Variants in TECRL observed in about 807,000 individuals in gnomAD.
TECRL encodes trans-2,3-enoyl-CoA reductase like, also known as trans-2,3-enoyl-CoA reductase-like.
In TECRL, 63 loss-of-function variants were observed where a neutral mutation model predicts 52.8. The observed-to-expected ratio is 1.19, with a 90% CI of 0.97 to 1.47. The LOEUF (loss-of-function observed/expected upper bound fraction) is 1.47, where lower values mean the gene tolerates loss of function less well. Among genes scored for constraint, TECRL ranks in the 40% most tolerant of loss-of-function variants. The probability of loss-of-function intolerance (pLI) is 0.00; values close to 1 mark genes in which losing one functional copy is unlikely to be tolerated. For synonymous variants in TECRL, 164 were observed against 141.9 expected (o/e 1.16, Z -1.10); for missense variants, 482 against 429.6 (o/e 1.12, Z -1.08).
chr4:64,287,259 T>G (rs995146283), intron 9 of TECRL, among the ~76,000 whole-genome samples: 1 of 152,164 alleles, frequency 6.6e-6, no homozygotes, highest in Non-Finnish European at 1.5e-5. Context: ...TGAGTACTCA[T>G]CACAATATTA....
At position 64,285,232 on chromosome 4, in the gene TECRL, T is replaced by C. The variant is rs2109934058; in HGVS notation, c.833-3673A>G. Among the ~76,000 whole-genome samples, 2 of 152,204 alleles carry C rather than the reference T, an allele frequency of 1.3e-5. 1 individual carries two copies. Among genetic ancestry groups the C allele is most frequent in the South Asian group, 4.1e-4 (2 of 4,828 alleles). ...TTTTTCTTCCCCAGGTAGACTCATA[T>C]CCAACTTATCTGTCTCCAGTCATTC... On this transcript the variant is annotated intron_variant, in intron 9 of 11. Coordinates refer to ENST00000381210, the MANE Select transcript of TECRL (RefSeq NM_001010874.5).
At chr4:64,403,194 T>C (rs1406554146) in intron 1 of TECRL, among the ~76,000 whole-genome samples, 2 of 151,994 alleles carry the variant, frequency 1.3e-5, no homozygotes, top group African/African-American at 2.4e-5. Context: ...ACTCATTACA[T>C]TGTTCTTTAC....
chr4:64,378,095 T>C (rs1400674446), intron 1 of TECRL, among the ~76,000 whole-genome samples: 1 of 151,970 alleles, frequency 6.6e-6, no homozygotes, highest in Non-Finnish European at 1.5e-5. Context: ...AATAATTAGA[T>C]ATAGTGGTGT....
rs573398792 is a variant in TECRL at position 64,343,635 on chromosome 4, TA to T, written c.287-15080del. ...TTAAAACATTCTTTCCAGGCAAATT[TA>T]ATGCTTTAACAAAAATCAATTCTGG... On this transcript the variant is annotated intron_variant, in intron 2 of 11. Coordinates refer to ENST00000381210, the MANE Select transcript of TECRL (RefSeq NM_001010874.5). 1.6e-3 allele frequency among the ~76,000 whole-genome samples: 243 copies of T among 152,144 alleles called. 1 individual carries two copies. Among genetic ancestry groups the T allele is most frequent in the Non-Finnish European group, 2.3e-3 (157 of 67,912 alleles).
chr4:64,323,013 C>T (rs553649424), intron 3 of TECRL, among the ~76,000 whole-genome samples: 39 of 152,058 alleles, frequency 2.6e-4, no homozygotes, highest in Non-Finnish European at 1.8e-4. Flanking sequence ...TACCATCTAC[C>T]CAAAATTTAG....
chr4:64,329,914 A>C (rs968022537), intron 2 of TECRL, among the ~76,000 whole-genome samples: 1 of 151,474 alleles, frequency 6.6e-6, no homozygotes, highest in African/African-American at 2.4e-5. Flanking sequence ...GATACATAAA[A>C]CTCTTATTCT....
intron 6 of TECRL, among the ~76,000 whole-genome samples, chr4:64,306,899 T>C (rs756067576): frequency 2.6e-5 from 4 of 152,182 alleles, no homozygotes; most frequent in Non-Finnish European, 5.9e-5. Flanking sequence ...TGAAAAGAAT[T>C]TGGACACAAA....
At chr4:64,404,354 C>A (rs1724570711) in intron 1 of TECRL, among the ~76,000 whole-genome samples, 1 of 151,880 alleles carries the variant, frequency 6.6e-6, no homozygotes, top group South Asian at 2.1e-4. Context: ...AGAGTTCTTG[C>A]ATGCTCTTCA....
intron 2 of TECRL, among the ~76,000 whole-genome samples, chr4:64,369,050 G>A (rs574669141): frequency 4.6e-5 from 7 of 152,196 alleles, no homozygotes; most frequent in Admixed American, 1.3e-4. Context: ...GAACTGCTTA[G>A]ACAAGTAGTC....
chr4:64,280,096 T>C lies in TECRL; in HGVS notation c.1068A>G (p.Ser356=). Residue 356 remains serine (S), a synonymous_variant, in exon 12 of 12, where the codon TCA becomes TCG. Transcript: ENST00000381210. ...TTTACAATATGAATGGAATCATTGC[T>C]GATTTTCTATGAATATATGAATTGA... ...RKFNSYIHRK[S]AMIPFIL The C allele has an allele frequency of 6.3e-6, 10 of 1,594,572 alleles. No homozygotes were observed. The highest frequency in any genetic ancestry group is 8.5e-6 in the Non-Finnish European group (10 of 1,173,146).
intron 8 of TECRL, among the ~76,000 whole-genome samples, chr4:64,295,534 A>G (rs1458438236): frequency 6.6e-6 from 1 of 151,510 alleles, no homozygotes; most frequent in East Asian, 1.9e-4. Flanking sequence ...AATATTGTAT[A>G]ACATAAAAAT....
rs974725975 is a variant in TECRL, at chr4:64,281,477, A to C, written c.915T>G (p.Tyr305Ter). The C allele has an allele frequency of 6.3e-7, 1 of 1,581,746 alleles. No homozygotes were observed. The highest frequency in any genetic ancestry group is 1.7e-5 in the Admixed American group (1 of 57,624). ...TTTACATACATAAATAACATACCTCATAGGTGTAGTTAGGACATGAAACCA... is the reference window on the plus strand; with the variant it reads ...TTTACATACATAAATAACATACCTCCTAGGTGTAGTTAGGACATGAAACCA... Reference protein sequence around the residue: ...FFLVSCPNYTYEIGSWISFTV... With the variant: ...FFLVSCPNYT Residue 305 changes from tyrosine to a stop codon, truncating the protein, a stop_gained, in exon 10 of 12, where the codon TAT (tyrosine) becomes TAG (stop). Transcript: ENST00000381210. LOFTEE classifies it high-confidence loss of function.
chr4:64,276,328 A>T (rs1008614357), downstream of TECRL: 4 of 151,976 alleles, frequency 2.6e-5, no homozygotes, highest in Non-Finnish European at 5.9e-5. Flanking sequence ...TCTTTTATTT[A>T]TAGGATGAGA....
At chr4:64,277,018 C>A, downstream of TECRL, 1 of 1,495,446 alleles carries the variant, frequency 6.7e-7, no homozygotes, top group South Asian at 1.3e-5. Flanking sequence ...ATTTGTCAGG[C>A]TTTTTCTTTT....
intron 1 of TECRL, among the ~76,000 whole-genome samples, chr4:64,379,247 T>TACAC (rs4034911): frequency 2.3e-4 from 33 of 145,422 alleles, no homozygotes; most frequent in African/African-American, 4.1e-4. Flanking sequence ...CACACACACA[T>TACAC]ACACACACAC....
intron 8 of TECRL, among the ~76,000 whole-genome samples, chr4:64,296,814 T>C (rs1398467869): frequency 6.6e-6 from 1 of 151,692 alleles, no homozygotes; most frequent in Non-Finnish European, 1.5e-5. Context: ...GACTAAATTA[T>C]AAAATTTATT....
intron 2 of TECRL, among the ~76,000 whole-genome samples, chr4:64,341,294 G>C (rs535963448): frequency 6.6e-6 from 1 of 152,098 alleles, no homozygotes. Context: ...AAGGCTAAAA[G>C]AGCTATAACA....
intron 8 of TECRL, among the ~76,000 whole-genome samples, chr4:64,290,226 G>T (rs1723305473): frequency 6.6e-6 from 1 of 152,138 alleles, no homozygotes; most frequent in African/African-American, 2.4e-5. Context: ...TGTGAGCAGT[G>T]CTGCCACACA....
chr4:64,352,082 G>A (rs906652511), intron 2 of TECRL, among the ~76,000 whole-genome samples: 13 of 152,110 alleles, frequency 8.5e-5, no homozygotes, highest in Non-Finnish European at 1.5e-4. Context: ...CAAATTCTAA[G>A]ACAAATATTT....
Sources: gnomAD v4.1 joint callset for allele counts (sites outside exome capture counted in the v4.1 genomes callset) on GRCh38, gnomAD v4.1.1 for gene constraint, MANE v1.5 for transcripts, NCBI Gene and HGNC (gene_info 2026-07-23, HGNC 2026-07-21) for gene names.